DSTN: variants seen among roughly 807,000 people sequenced by gnomAD.
DSTN encodes the protein destrin.
DSTN carries 10 observed loss-of-function variants against 16.8 expected under a neutral mutation model. The ratio of observed to expected loss-of-function variants is 0.60; its 90% CI spans 0.37 to 1.01. The LOEUF is 1.01. Ranked by LOEUF, DSTN falls within the 50% of genes least tolerant of loss-of-function variation. DSTN has a pLI of 0.01. For missense variants in DSTN, 141 were observed against 196.7 expected (o/e 0.72, Z 1.69); for synonymous variants, 57 against 58.9 (o/e 0.97, Z 0.14).
rs1479141598 is a variant in DSTN, at chr20:17,601,184, T to G, written c.311+139T>G. 4 of 1,124,500 alleles carry G rather than the reference T, an allele frequency of 3.6e-6. No individual in the cohort carries two copies. In the East Asian group the frequency reaches 1.1e-4, roughly 31 times the overall value. 69.7% of individuals were successfully genotyped at this position (1,124,500 alleles called of 1,614,324 possible). A position where few individuals can be genotyped will look rare whatever the true frequency, so the allele number is the denominator to read the frequency against. On this transcript the variant is annotated intron_variant, in intron 2 of 3. Coordinates refer to ENST00000246069, the MANE Select transcript of DSTN (RefSeq NM_006870.4). The stretch of plus-strand genomic sequence containing the variant: ...TAATTTTTATTTACAGGTTTCATAA[T>G]GTTACCAGGGCTGATGTTTATGGGA...
chr20:17,575,716 G>A (rs1276057634), intron 1 of DSTN, among the ~76,000 whole-genome samples: 11 of 152,088 alleles, frequency 7.2e-5, no homozygotes, highest in Admixed American at 7.2e-4. Context: ...TTATAAAGAT[G>A]GGGTTTCACC....
chr20:17,605,388 T>A (rs2035630644), intron 3 of DSTN, among the ~76,000 whole-genome samples: 1 of 152,244 alleles, frequency 6.6e-6, no homozygotes. Context: ...TTTAAGAGTT[T>A]GCCCTGCCAC....
intron 2 of DSTN, among the ~76,000 whole-genome samples, chr20:17,603,389 T>G (rs2035607187): frequency 6.6e-6 from 1 of 152,240 alleles, no homozygotes; most frequent in Non-Finnish European, 1.5e-5. Flanking sequence ...TTTCTTTCAA[T>G]GTAGTTTTGT....
chr20:17,606,757 C>T (rs545339842), intron 3 of DSTN, among the ~76,000 whole-genome samples: 46 of 152,188 alleles, frequency 3.0e-4, no homozygotes, highest in Non-Finnish European at 6.3e-4. Flanking sequence ...CTTCTAACAG[C>T]GTAAGTTAGC....
chr20:17,577,204 A>T (rs2035288538), intron 1 of DSTN, among the ~76,000 whole-genome samples: 1 of 152,204 alleles, frequency 6.6e-6, no homozygotes, highest in Non-Finnish European at 1.5e-5. Flanking sequence ...TCTGAAATCA[A>T]ATGCTTGGTA....
At chr20:17,597,595 C>T (rs534279156) in intron 1 of DSTN, among the ~76,000 whole-genome samples, 1 of 152,300 alleles carries the variant, frequency 6.6e-6, no homozygotes, top group African/African-American at 2.4e-5. Flanking sequence ...TAATTAATTC[C>T]TCATCCTCCC....
At chr20:17,577,889 A>C (rs887775578) in intron 1 of DSTN, among the ~76,000 whole-genome samples, 1 of 152,258 alleles carries the variant, frequency 6.6e-6, no homozygotes, top group Non-Finnish European at 1.5e-5. Flanking sequence ...AAGTTGCTCC[A>C]GACCTACTTA....
At chr20:17,583,542 C>T (rs1308748025) in intron 1 of DSTN, among the ~76,000 whole-genome samples, 1 of 151,994 alleles carries the variant, frequency 6.6e-6, no homozygotes, top group Non-Finnish European at 1.5e-5. Context: ...ATACATGCTA[C>T]AACGTGGATG....
chr20:17,596,340 C>T (rs6034861), intron 1 of DSTN, among the ~76,000 whole-genome samples: 1 of 152,300 alleles, frequency 6.6e-6, no homozygotes, highest in East Asian at 1.9e-4. Context: ...TAGGTGAAGC[C>T]TTCCAACGAG....
chr20:17,570,585 G>C (rs1253477184), intron 1 of DSTN, among the ~76,000 whole-genome samples: 1 of 151,694 alleles, frequency 6.6e-6, no homozygotes, highest in African/African-American at 2.4e-5. Context: ...GGGGAGTGGG[G>C]GGCGGGGGGC....
chr20:17,580,082 A>G (rs1406045008), intron 1 of DSTN, among the ~76,000 whole-genome samples: 1 of 152,216 alleles, frequency 6.6e-6, no homozygotes, highest in African/African-American at 2.4e-5. Context: ...GTGCATTAGA[A>G]TGTGTTTCAA....
At chr20:17,583,546 G>A (rs887289740) in intron 1 of DSTN, among the ~76,000 whole-genome samples, 1 of 152,030 alleles carries the variant, frequency 6.6e-6, no homozygotes, top group African/African-American at 2.4e-5. Context: ...ATGCTACAAC[G>A]TGGATGAACA....
chr20:17,577,892 C>T (rs78201082), intron 1 of DSTN, among the ~76,000 whole-genome samples: 123 of 152,264 alleles, frequency 8.1e-4, no homozygotes, highest in Middle Eastern at 3.4e-3. Flanking sequence ...TTGCTCCAGA[C>T]CTACTTACAA....
intron 1 of DSTN, among the ~76,000 whole-genome samples, chr20:17,593,752 G>A (rs1442313807): frequency 1.3e-5 from 2 of 152,130 alleles, no homozygotes; most frequent in East Asian, 3.9e-4. Context: ...TGGTCTATAA[G>A]ATAAGGCTAA....
chr20:17,604,642 G>T lies in DSTN; in HGVS notation c.388+11G>T. ...AAAAGAAATTTCAAGGTATGTTCTAGATGACCTCTGAATATGTAGAGGTAT... is the reference window on the plus strand; with the variant it reads ...AAAAGAAATTTCAAGGTATGTTCTATATGACCTCTGAATATGTAGAGGTAT... On this transcript the variant is annotated intron_variant, in intron 3 of 3. Coordinates refer to ENST00000246069, the MANE Select transcript of DSTN (RefSeq NM_006870.4). 6.2e-7 allele frequency: 1 copy of T among 1,609,928 alleles called. No individual in the cohort carries two copies. Among genetic ancestry groups the T allele is most frequent in the Non-Finnish European group, 8.5e-7 (1 of 1,178,480 alleles).
chr20:17,602,961 A>C (rs1333519735), intron 2 of DSTN, among the ~76,000 whole-genome samples: 2 of 152,224 alleles, frequency 1.3e-5, no homozygotes, highest in Non-Finnish European at 2.9e-5. Context: ...CAGAGGTTGC[A>C]GTGAGCTGAG....
chr20:17,595,806 A>G (rs1169696151), intron 1 of DSTN, among the ~76,000 whole-genome samples: 1 of 152,090 alleles, frequency 6.6e-6, no homozygotes, highest in African/African-American at 2.4e-5. Context: ...GTAAGTACTC[A>G]GTGTATGTTT....
At chr20:17,584,708 G>A (rs553926242) in intron 1 of DSTN, among the ~76,000 whole-genome samples, 191 of 150,722 alleles carry the variant, frequency 1.3e-3, no homozygotes, top group African/African-American at 4.3e-3. Flanking sequence ...GAAAACTAGA[G>A]AGAAGATAAA....
chr20:17,608,381 G>T lies in DSTN; in HGVS notation c.*1235G>T, dbSNP rs1203316063. On this transcript the variant is annotated 3_prime_UTR_variant, in exon 4 of 4. Transcript: ENST00000246069. ...GTGGTGGCTCACTCCTGTAATCCCAGCATTTTGGGAGGCCGAGGCAAGAGG... is the reference window on the plus strand; with the variant it reads ...GTGGTGGCTCACTCCTGTAATCCCATCATTTTGGGAGGCCGAGGCAAGAGG... 6.6e-6 allele frequency: 1 copy of T among 152,152 alleles called. No individual in the cohort carries two copies. The highest frequency in any genetic ancestry group is 1.5e-5 in the Non-Finnish European group (1 of 68,062). 9.4% of individuals were successfully genotyped at this position (152,152 alleles called of 1,614,324 possible). A position where few individuals can be genotyped will look rare whatever the true frequency, so the allele number is the denominator to read the frequency against.
Sources: allele counts gnomAD v4.1 joint callset (sites outside exome capture counted in the v4.1 genomes callset), GRCh38; gene constraint gnomAD v4.1.1; transcripts MANE v1.5; gene names NCBI Gene and HGNC (gene_info 2026-07-23, HGNC 2026-07-21).